The following FOXJ3 variants were observed in gnomAD, a reference collection of about 807,000 sequenced individuals.
FOXJ3 encodes the protein forkhead box J3, also known as forkhead box protein J3.
Under a neutral mutation model 76.1 loss-of-function variants are expected in FOXJ3, and 22 were observed. That is an observed-to-expected ratio of 0.29 (90% CI 0.21 to 0.41). The LOEUF (loss-of-function observed/expected upper bound fraction) is 0.41, where lower values mean the gene tolerates loss of function less well. Among genes scored for constraint, FOXJ3 ranks in the 10% least tolerant of loss-of-function variants. The pLI is 1.00. For missense variants in FOXJ3, 613 were observed against 762.1 expected (o/e 0.80, Z 2.30); for synonymous variants, 269 against 261.2 (o/e 1.03, Z -0.29).
chr1:42,213,294 T>TA (rs985035976), intron 5 of FOXJ3, among the ~76,000 whole-genome samples: 3 of 151,858 alleles, frequency 2.0e-5, no homozygotes, highest in Admixed American at 6.6e-5. Context: ...TGAATGGATT[T>TA]AAAAAAAATC....
intron 4 of FOXJ3, among the ~76,000 whole-genome samples, chr1:42,246,574 C>T (rs1206913295): frequency 1.3e-5 from 2 of 151,554 alleles, no homozygotes; most frequent in East Asian, 1.9e-4. Context: ...CTCTCATATA[C>T]TTTTGGTGGG....
At chr1:42,333,585 G>A (rs911111258) in intron 1 of FOXJ3, among the ~76,000 whole-genome samples, 6 of 152,126 alleles carry the variant, frequency 3.9e-5, no homozygotes, top group African/African-American at 1.4e-4. Context: ...CAGAAAAAGA[G>A]AGGAGTTACT....
intron 1 of FOXJ3, among the ~76,000 whole-genome samples, chr1:42,324,965 G>A (rs1199781304): frequency 7.2e-6 from 1 of 138,184 alleles, no homozygotes; most frequent in Non-Finnish European, 1.6e-5. Context: ...GAGGTCACTA[G>A]GCAATAGAAA....
At chr1:42,334,228 TGA>T (rs1325365320) in intron 1 of FOXJ3, 5 of 470,018 alleles carry the variant, frequency 1.1e-5, no homozygotes, top group Non-Finnish European at 1.4e-5. Flanking sequence ...AAGATGTTAA[TGA>T]AACTAAGCCC....
intron 2 of FOXJ3, among the ~76,000 whole-genome samples, chr1:42,305,942 C>T (rs1277009093): frequency 5.9e-5 from 9 of 152,142 alleles, no homozygotes; most frequent in Non-Finnish European, 1.0e-4. Flanking sequence ...TTATGCACTG[C>T]ATGCCTGTAT....
At chr1:42,309,213 C>T (rs1654656660) in intron 2 of FOXJ3, among the ~76,000 whole-genome samples, 1 of 151,952 alleles carries the variant, frequency 6.6e-6, no homozygotes, top group Non-Finnish European at 1.5e-5. Context: ...CCTCTCTCTC[C>T]TTCTGCCCTC....
intron 5 of FOXJ3, among the ~76,000 whole-genome samples, chr1:42,207,747 T>C (rs1046264232): frequency 5.3e-5 from 8 of 152,180 alleles, no homozygotes; most frequent in African/African-American, 1.9e-4. Context: ...GATAATCTAA[T>C]CAACCTTCGG....
chr1:42,230,769 G>A (rs1648020101), intron 4 of FOXJ3, among the ~76,000 whole-genome samples: 1 of 130,062 alleles, frequency 7.7e-6, no homozygotes, highest in South Asian at 2.7e-4. Context: ...ATGTGTGACG[G>A]TGTAACCACT....
At chr1:42,225,413 C>T (rs1392773579) in intron 5 of FOXJ3, among the ~76,000 whole-genome samples, 4 of 152,140 alleles carry the variant, frequency 2.6e-5, no homozygotes, top group Non-Finnish European at 5.9e-5. Flanking sequence ...TAACCTCTCA[C>T]TTCCCACTCT....
intron 4 of FOXJ3, among the ~76,000 whole-genome samples, chr1:42,232,306 T>C (rs369605631): frequency 3.4e-5 from 5 of 148,040 alleles, no homozygotes; most frequent in East Asian, 3.9e-4. Context: ...CCTTTCGGTA[T>C]ATACCCAGTA....
At chr1:42,324,146 C>CAG (rs1553170613) in intron 1 of FOXJ3, among the ~76,000 whole-genome samples, 3 of 85,714 alleles carry the variant, frequency 3.5e-5, no homozygotes, top group Admixed American at 1.0e-4. Flanking sequence ...AGTATATATA[C>CAG]TATATATACA....
At position 42,178,887 on chromosome 1, in the gene FOXJ3, A is replaced by C. The variant is rs906614900; in HGVS notation, c.*823T>G. 1 of 152,696 alleles carries C rather than the reference A, an allele frequency of 6.5e-6. No individual in the cohort carries two copies. Among genetic ancestry groups the C allele is most frequent in the Non-Finnish European group, 1.5e-5 (1 of 68,050 alleles). 9.5% of individuals were successfully genotyped at this position (152,696 alleles called of 1,614,324 possible). A position where few individuals can be genotyped will look rare whatever the true frequency, so the allele number is the denominator to read the frequency against. The stretch of plus-strand genomic sequence containing the variant: ...TCACAGAAGGTAGCAATAAATATTA[A>C]AATGACACTTTTGAATAATAAATAC... On this transcript the variant is annotated 3_prime_UTR_variant, in exon 13 of 13. Transcript: ENST00000361346.
At chr1:42,250,987 TAAAAGA>T (rs1462686797) in intron 4 of FOXJ3, among the ~76,000 whole-genome samples, 2 of 151,780 alleles carry the variant, frequency 1.3e-5, no homozygotes, top group Non-Finnish European at 2.9e-5. Context: ...TAACTGACCC[TAAAAGA>T]AAAAGAGAAA....
chr1:42,328,409 C>CT (rs1423060681), intron 1 of FOXJ3, among the ~76,000 whole-genome samples: 4 of 152,196 alleles, frequency 2.6e-5, no homozygotes, highest in Non-Finnish European at 4.4e-5. Flanking sequence ...TTATTGCACT[C>CT]TAAGTTTGAG....
At chr1:42,247,495 G>A (rs548238497) in intron 4 of FOXJ3, among the ~76,000 whole-genome samples, 74 of 152,158 alleles carry the variant, frequency 4.9e-4, no homozygotes, top group African/African-American at 1.6e-3. Flanking sequence ...TTCTCCAAAG[G>A]AGATGTACAA....
chr1:42,236,763 T>C (rs1238147568), intron 4 of FOXJ3, among the ~76,000 whole-genome samples: 14 of 152,202 alleles, frequency 9.2e-5, no homozygotes, highest in African/African-American at 3.1e-4. Context: ...GAAACTATTT[T>C]CCACTCTCGA....
intron 4 of FOXJ3, among the ~76,000 whole-genome samples, chr1:42,242,731 TG>T (rs937671477): frequency 6.6e-6 from 1 of 152,154 alleles, no homozygotes. Context: ...AGACAAATTC[TG>T]GGTGTTCCAG....
intron 2 of FOXJ3, among the ~76,000 whole-genome samples, chr1:42,294,439 T>G (rs766849869): frequency 6.6e-6 from 1 of 152,146 alleles, no homozygotes; most frequent in Non-Finnish European, 1.5e-5. Flanking sequence ...GTGAAACAGT[T>G]TGGGCTGCTC....
chr1:42,176,861 C>T lies in FOXJ3; in HGVS notation c.*2849G>A, dbSNP rs566547715. The T allele has an allele frequency of 5.9e-5, 9 of 152,704 alleles. No homozygotes were observed. In the East Asian group the frequency reaches 1.7e-3, roughly 29 times the overall value. 9.5% of individuals were successfully genotyped at this position (152,704 alleles called of 1,614,324 possible). On this transcript the variant is annotated 3_prime_UTR_variant, in exon 13 of 13. Transcript: ENST00000361346. ...TGAACAATATCAAAATACTCTATTC[C>T]ATTTGAAATTATCCCCGGATTGATT...
Sources: allele counts gnomAD v4.1 joint callset (sites outside exome capture counted in the v4.1 genomes callset), GRCh38; gene constraint gnomAD v4.1.1; transcripts MANE v1.5; gene names NCBI Gene and HGNC (gene_info 2026-07-23, HGNC 2026-07-21).